The following TNK2 variants were observed in gnomAD, a reference collection of about 807,000 sequenced individuals.
The protein encoded by TNK2 is tyrosine kinase non receptor 2.
Under a neutral mutation model 101.8 loss-of-function variants are expected in TNK2, and 83 were observed. That is an observed-to-expected ratio of 0.82 (90% CI 0.68 to 0.98). The LOEUF is 0.98. TNK2 is among the 50% of genes least tolerant of loss of function. The probability of loss-of-function intolerance (pLI) is 0.00; values close to 1 mark genes in which losing one functional copy is unlikely to be tolerated. For synonymous variants in TNK2, 804 were observed against 633.0 expected, an observed-to-expected ratio of 1.27 and a Z score of -4.06; for missense variants, 1,665 against 1,483.2, an observed-to-expected ratio of 1.12 and a Z score of -2.01.
chr3:195,864,056 C>A lies in TNK2; in HGVS notation c.*125G>T, dbSNP rs1560458977. 1 of 1,372,534 alleles carries A rather than the reference C, an allele frequency of 7.3e-7. No homozygotes were observed. Among genetic ancestry groups the A allele is most frequent in the Non-Finnish European group, 1.0e-6 (1 of 977,614 alleles). The allele number at this position is 1,372,534 out of a possible 1,614,324, so 85.0% of individuals were successfully genotyped here. A position where few individuals can be genotyped will look rare whatever the true frequency, so the allele number is the denominator to read the frequency against. ...AGCCTCCCGCAGCCTTGGCCTTGCT[C>A]CATCCCCGGGAGCAGCAGGAGCAGC... On this transcript the variant is annotated 3_prime_UTR_variant, in exon 16 of 16. Coordinates refer to ENST00000672887, the MANE Select transcript of TNK2 (RefSeq NM_001382273.1).
intron 1 of TNK2, among the ~76,000 whole-genome samples, chr3:195,891,736 T>G (rs1273264373): frequency 6.6e-6 from 1 of 152,078 alleles, no homozygotes; most frequent in Non-Finnish European, 1.5e-5. Flanking sequence ...GCTCCTCTTC[T>G]TTTTCCCACC....
intron 1 of TNK2, chr3:195,895,704 C>G (rs1005277930): frequency 1.1e-5 from 8 of 753,700 alleles, no homozygotes; most frequent in Admixed American, 8.9e-5. Context: ...CCCAGAGCCA[C>G]CAACTGGGGC....
In TNK2 at chr3:195,884,842, C is replaced by T; in HGVS notation, c.426G>A (p.Arg142=). ...LGDGSFGVVR[R]GEWDAPSGKT... ...TCCCTGAGGGCGCGTCCCACTCGCC[C>T]CTGCGCACCACGCCAAAGGAACCAT... The change falls in exon 4 of 16, where the codon AGG becomes AGA. Residue 142 remains arginine (R), a synonymous_variant. Coordinates refer to ENST00000672887, the MANE Select transcript of TNK2 (RefSeq NM_001382273.1). 6.2e-7 allele frequency: 1 copy of T among 1,612,840 alleles called. No homozygotes were observed. Among genetic ancestry groups the T allele is most frequent in the Non-Finnish European group, 8.5e-7 (1 of 1,179,916 alleles).
chr3:195,868,966 C>T, intron 12 of TNK2: 1 of 528,192 alleles, frequency 1.9e-6, no homozygotes, highest in Non-Finnish European at 3.3e-6. Context: ...TAAGCTGCAG[C>T]AAGCAACACT....
At chr3:195,901,820 C>G (rs1459891038) in intron 1 of TNK2, among the ~76,000 whole-genome samples, 1 of 152,204 alleles carries the variant, frequency 6.6e-6, no homozygotes, top group African/African-American at 2.4e-5. Flanking sequence ...AGCCAGCATT[C>G]AGCCCATTCA....
At chr3:195,873,933 C>T (rs1475508594) in intron 9 of TNK2, among the ~76,000 whole-genome samples, 1 of 152,210 alleles carries the variant, frequency 6.6e-6, no homozygotes, top group Non-Finnish European at 1.5e-5. Context: ...GTGATTCCCA[C>T]CCTGCCTGCA....
Position 195,879,168 on chromosome 3 carries a change from G to C in TNK2, c.895C>G (p.Pro299Ala). The part of the protein sequence containing the change: ...HRKVPFAWCA[P>A]ESLKTRTFSH... ...AAGGTGCGTGTCTTCAGGCTCTCGGGGGCACACCTGGCAGAGGCAGGGGTC... is the reference window on the plus strand; with the variant it reads ...AAGGTGCGTGTCTTCAGGCTCTCGGCGGCACACCTGGCAGAGGCAGGGGTC... The change falls in exon 7 of 16, where the codon CCC becomes GCC. Residue 299 changes from proline (P) to alanine (A), a missense_variant. Pro to Ala is a conservative substitution (Grantham distance 27). This residue lies in a region of TNK2 where 490 missense variants were observed against 522.5 expected (regional missense o/e 0.94). Transcript: ENST00000672887. 6.2e-7 allele frequency: 1 copy of C among 1,613,260 alleles called. No individual in the cohort carries two copies. Among genetic ancestry groups the C allele is most frequent in the Non-Finnish European group, 8.5e-7 (1 of 1,179,950 alleles).
In TNK2 at chr3:195,869,526, C is replaced by T. The variant is rs770562169; in HGVS notation, c.1559G>A (p.Arg520His). The change falls in exon 12 of 16, where the codon CGC becomes CAC. Residue 520 changes from arginine (R) to histidine (H), a missense_variant. This residue lies in a region of TNK2 where 1,136 missense variants were observed against 894.9 expected (regional missense o/e 1.27). Coordinates refer to ENST00000672887, the MANE Select transcript of TNK2 (RefSeq NM_001382273.1). ...LGGVKREPPP[R>H]PPQPAFFTQK... ...AGTGAAGAAGGCAGGCTGAGGTGGG[C>T]GAGGTGGAGGCTCCCCTGCAAGAAA... 1.4e-5 allele frequency: 22 copies of T among 1,550,840 alleles called. No homozygotes were observed. The highest frequency in any genetic ancestry group is 1.7e-5 in the Non-Finnish European group (20 of 1,146,964).
intron 1 of TNK2, chr3:195,895,228 C>T: frequency 6.6e-7 from 1 of 1,524,906 alleles, no homozygotes; most frequent in African/African-American, 1.4e-5. Context: ...CTGGCTATCC[C>T]CTAGCCTTCC....
intron 11 of TNK2, 23 bp from the exon 12 acceptor site, chr3:195,869,564 A>AG: frequency 6.4e-7 from 1 of 1,551,096 alleles, no homozygotes; most frequent in Non-Finnish European, 8.7e-7. Context: ...CCATGCGGAC[A>AG]GGGGGAGAGA....
At chr3:195,881,382 C>G (rs1286290107) in intron 6 of TNK2, among the ~76,000 whole-genome samples, 1 of 21,432 alleles carries the variant, frequency 4.7e-5, no homozygotes, top group African/African-American at 2.5e-4. Context: ...CCCTGTAACA[C>G]CCCCCCAGCA....
At position 195,869,530 on chromosome 3, in the gene TNK2, G is replaced by C; in HGVS notation, c.1555C>G (p.Pro519Ala). 1.3e-6 allele frequency: 2 copies of C among 1,551,144 alleles called. No homozygotes were observed. Among genetic ancestry groups the C allele is most frequent in the Non-Finnish European group, 8.7e-7 (1 of 1,146,988 alleles). Residue 519 changes from proline (P) to alanine (A), a missense_variant, in exon 12 of 16, where the codon CCT (proline) becomes GCT (alanine). Physicochemically the swap from Pro to Ala is conservative, Grantham distance 27. Around this residue, in one of 3 missense-constraint regions of TNK2, gnomAD observed 1,136 missense variants for 894.9 expected, o/e 1.27. Coordinates refer to ENST00000672887, the MANE Select transcript of TNK2 (RefSeq NM_001382273.1). ...AAGAAGGCAGGCTGAGGTGGGCGAG[G>C]TGGAGGCTCCCCTGCAAGAAAGGCC... ...HLGGVKREPP[P>A]RPPQPAFFTQ...
chr3:195,870,164 C>T lies in TNK2; in HGVS notation c.1493G>A (p.Ser498Asn). The change falls in exon 11 of 16, where the codon AGC becomes AAC. Residue 498 changes from serine (S) to asparagine (N), a missense_variant. Ser to Asn is a conservative substitution (Grantham distance 46). Transcript: ENST00000672887. ...GGGCCGGGAGGTGCTCAGTTCCACG[C>T]TCAGGAGGTCGGGGGGGTCCATGGG... ...GNPMDPPDLL[S>N]VELSTSRPPQ... The T allele has an allele frequency of 6.6e-7, 1 of 1,519,222 alleles. No individual in the cohort carries two copies. Among genetic ancestry groups the T allele is most frequent in the Non-Finnish European group, 8.9e-7 (1 of 1,128,374 alleles). The allele number at this position is 1,519,222 out of a possible 1,614,324, so 94.1% of individuals were successfully genotyped here.
At chr3:195,896,921 C>T (rs1006341159) in intron 1 of TNK2, 1 of 152,260 alleles carries the variant, frequency 6.6e-6, no homozygotes, top group Non-Finnish European at 1.5e-5. Flanking sequence ...CACACCAAGG[C>T]GCAGACATGA....
intron 15 of TNK2, among the ~76,000 whole-genome samples, chr3:195,864,661 C>T (rs1044348898): frequency 7.2e-6 from 1 of 138,058 alleles, no homozygotes; most frequent in Non-Finnish European, 1.6e-5. Flanking sequence ...CCACCTGAGA[C>T]AGTGACAGAC....
rs1755816839 is a variant in TNK2 at position 195,886,826 on chromosome 3, A to AAG, written c.234+149_234+150dup. 1.2e-6 allele frequency: 1 copy of AAG among 815,982 alleles called. No homozygotes were observed. Among genetic ancestry groups the AAG allele is most frequent in the South Asian group, 1.5e-5 (1 of 65,596 alleles). The allele number at this position is 815,982 out of a possible 1,614,324, so 50.5% of individuals were successfully genotyped here. ...CAGCTCTACAAGTGCCCTGCCCGAT[A>AAG]AGACCCTGGACGAGGGGGTCCTGTA... On this transcript the variant is annotated intron_variant, in intron 3 of 15. Coordinates refer to ENST00000672887, the MANE Select transcript of TNK2 (RefSeq NM_001382273.1). This position sits in a 1 kb window ranked among gnomAD's most constrained non-coding sequence, Gnocchi z 4.2.
intron 6 of TNK2, 49 bp from the exon 7 acceptor site, chr3:195,879,224 C>G: frequency 1.2e-6 from 2 of 1,606,654 alleles, no homozygotes; most frequent in Non-Finnish European, 1.7e-6. Flanking sequence ...ACCCTACCTG[C>G]GTCCGCCCCA....
Position 195,881,862 on chromosome 3 carries a change from G to A in TNK2, c.887+189C>T, listed in dbSNP as rs187715056. Among the ~76,000 whole-genome samples the A allele has an allele frequency of 1.6e-4, 24 of 152,218 alleles. 1 individual carries two copies. The highest frequency in any genetic ancestry group is 1.5e-3 in the Admixed American group (23 of 15,288). ...CTGTGATTTCCAGCACCCAGACCCT[G>A]GCACGTGGGCCCTCAAGAATTCCTA... On this transcript the variant is annotated intron_variant, in intron 6 of 15. Coordinates refer to ENST00000672887, the MANE Select transcript of TNK2 (RefSeq NM_001382273.1).
At position 195,869,551 on chromosome 3, in the gene TNK2, A is replaced by G. The variant is rs898165371; in HGVS notation, c.1544-10T>C. The G allele has an allele frequency of 4.5e-6, 7 of 1,551,152 alleles. No individual in the cohort carries two copies. The highest frequency in any genetic ancestry group is 5.2e-6 in the Non-Finnish European group (6 of 1,146,954). The stretch of plus-strand genomic sequence containing the variant: ...CGAGGTGGAGGCTCCCCTGCAAGAA[A>G]GGCCATGCGGACAGGGGGAGAGAGA... On this transcript the variant is annotated splice_polypyrimidine_tract_variant and intron_variant, in intron 11 of 15. Transcript: ENST00000672887.
Sources: allele counts gnomAD v4.1 joint callset (sites outside exome capture counted in the v4.1 genomes callset), GRCh38; gene constraint gnomAD v4.1.1; regional missense constraint gnomAD v4.1.1; non-coding constraint Gnocchi (gnomAD v3.1); transcripts MANE v1.5; gene names NCBI Gene and HGNC (gene_info 2026-07-23, HGNC 2026-07-21).